Variants in EARS2 observed in about 807,000 individuals in gnomAD.
EARS2 encodes nondiscriminating glutamyl-tRNA synthetase EARS2, mitochondrial.
In EARS2, 50 loss-of-function variants were observed where a neutral mutation model predicts 54.1. The ratio of observed to expected loss-of-function variants is 0.92; its 90% CI spans 0.74 to 1.17. EARS2 has a LOEUF of 1.17. Ranked by LOEUF, EARS2 falls within the 50% of genes most tolerant of loss-of-function variation. EARS2 has a pLI of 0.00. For missense variants in EARS2, 673 were observed against 675.0 expected (o/e 1.00, Z 0.03); for synonymous variants, 298 against 281.0 (o/e 1.06, Z -0.61).
At chr16:23,528,391 C>T (rs1371318069) in intron 7 of EARS2, among the ~76,000 whole-genome samples, 1 of 152,248 alleles carries the variant, frequency 6.6e-6, no homozygotes, top group African/African-American at 2.4e-5. Context: ...CAATGACAGG[C>T]CCCAGGCCGG....
chr16:23,548,780 T>C (rs533991243), intron 2 of EARS2, among the ~76,000 whole-genome samples: 2 of 152,230 alleles, frequency 1.3e-5, no homozygotes, highest in East Asian at 3.9e-4. Context: ...TGAGAACTTG[T>C]TTCCCTGTCT....
At chr16:23,529,396 G>A in intron 7 of EARS2, 106 bp downstream of exon 7, 2 of 1,400,610 alleles carry the variant, frequency 1.4e-6, no homozygotes, top group Non-Finnish European at 1.9e-6. Context: ...ACTGGCCATG[G>A]AGTTGTGCTG....
chr16:23,555,810 T>C (rs1319606090), intron 1 of EARS2, among the ~76,000 whole-genome samples: 1 of 152,208 alleles, frequency 6.6e-6, no homozygotes, highest in African/African-American at 2.4e-5. Context: ...GCCTCCTGAG[T>C]AGCTGGGATT....
At position 23,535,152 on chromosome 16, in the gene EARS2, A is replaced by C. The variant is rs1182135657; in HGVS notation, c.694T>G (p.Cys232Gly). The C allele has an allele frequency of 6.2e-7, 1 of 1,613,464 alleles. No individual in the cohort carries two copies. The highest frequency in any genetic ancestry group is 2.2e-5 in the East Asian group (1 of 44,874). ...CCCATGTGGTGGTCGTCCACCACGCAGGCCAGGTGGTATGTGGGGAAGCCG... is the reference window on the plus strand; with the variant it reads ...CCCATGTGGTGGTCGTCCACCACGCCGGCCAGGTGGTATGTGGGGAAGCCG... ...SDGFPTYHLACVVDDHHMGIS... is the reference protein window; with the variant it reads ...SDGFPTYHLAGVVDDHHMGIS... Residue 232 changes from cysteine to glycine, a missense_variant, in exon 4 of 9, where the codon TGC becomes GGC. This residue lies in a region of EARS2 where 338 missense variants were observed against 361.2 expected (regional missense o/e 0.94). Coordinates refer to ENST00000449606, the MANE Select transcript of EARS2 (RefSeq NM_001083614.2).
chr16:23,522,446 G>C lies in EARS2; in HGVS notation c.*1925C>G, dbSNP rs1326562518. 6.6e-6 allele frequency: 1 copy of C among 152,250 alleles called. No homozygotes were observed. Among genetic ancestry groups the C allele is most frequent in the Non-Finnish European group, 1.5e-5 (1 of 68,132 alleles). 9.4% of individuals were successfully genotyped at this position (152,250 alleles called of 1,614,324 possible). On this transcript the variant is annotated 3_prime_UTR_variant, in exon 9 of 9. Transcript: ENST00000449606. ...GATTGGCCATTAGCTCCTGTAGCTA[G>C]TTCCTGTCTTTTCCAAAACCTGTTT...
chr16:23,535,213 G>A lies in EARS2; in HGVS notation c.633C>T (p.Ala211=), dbSNP rs373878734. Residue 211 remains alanine, a synonymous_variant, in exon 4 of 9, where the codon GCC becomes GCT. Coordinates refer to ENST00000449606, the MANE Select transcript of EARS2 (RefSeq NM_001083614.2). ...TGATGACTGGGTCTCCCTCCACGCT[G>A]GCCACTTCATGCCTATTCCAGCCAT... ...LVYGWNRHEV[A]SVEGDPVIMK... is the part of the protein sequence containing the mutation. 3.7e-6 allele frequency: 6 copies of A among 1,613,628 alleles called. No individual in the cohort carries two copies. Among genetic ancestry groups the A allele is most frequent in the Middle Eastern group, 1.7e-4 (1 of 5,824 alleles).
intron 1 of EARS2, among the ~76,000 whole-genome samples, chr16:23,554,803 CTACTT>C (rs909663635): frequency 4.6e-5 from 7 of 152,330 alleles, no homozygotes; most frequent in South Asian, 2.1e-4. Context: ...AGAAGGAACT[CTACTT>C]AACTTTTATG....
At chr16:23,544,972 G>A (rs1258715296) in intron 2 of EARS2, 1 of 343,128 alleles carries the variant, frequency 2.9e-6, no homozygotes, top group Non-Finnish European at 5.3e-6. Context: ...CTCCCGAATA[G>A]CTGGGATTAC....
At chr16:23,534,770 A>G in intron 4 of EARS2, 118 bp downstream of exon 4, 1 of 841,570 alleles carries the variant, frequency 1.2e-6, no homozygotes, top group Non-Finnish European at 1.8e-6. Context: ...AAACTTGTCC[A>G]AGGTCACCTG....
chr16:23,525,089 T>C, intron 8 of EARS2, 155 bp downstream of exon 8: 1 of 943,304 alleles, frequency 1.1e-6, no homozygotes, highest in Non-Finnish European at 1.7e-6. Flanking sequence ...TAGTAGGTAC[T>C]CAATAGTGTC....
intron 2 of EARS2, among the ~76,000 whole-genome samples, chr16:23,550,069 T>C (rs1479973463): frequency 1.3e-5 from 2 of 152,124 alleles, no homozygotes; most frequent in Non-Finnish European, 2.9e-5. Context: ...CTATGAAGAA[T>C]GAATTAGGAG....
Position 23,556,966 on chromosome 16 carries a change from G to A in EARS2, c.139+239C>T, listed in dbSNP as rs544880008. 1.2e-4 allele frequency: 84 copies of A among 702,804 alleles called. 1 individual carries two copies. In the South Asian group the frequency reaches 1.2e-3, roughly 10 times the overall value. The allele number at this position is 702,804 out of a possible 1,614,324, so 43.5% of individuals were successfully genotyped here. A position where few individuals can be genotyped will look rare whatever the true frequency, so the allele number is the denominator to read the frequency against. On this transcript the variant is annotated intron_variant, in intron 1 of 8. Coordinates refer to ENST00000449606, the MANE Select transcript of EARS2 (RefSeq NM_001083614.2). ...TGTCATCAATGCACATGTATGGAAT[G>A]CATGAAAAAAAGATCGAAAGAGATG...
At chr16:23,551,401 A>G (rs1965691755) in intron 2 of EARS2, among the ~76,000 whole-genome samples, 1 of 152,104 alleles carries the variant, frequency 6.6e-6, no homozygotes, top group Non-Finnish European at 1.5e-5. Context: ...GGATTGCTTG[A>G]GCCCAGGAGT....
At chr16:23,543,111 T>C (rs1302279537) in intron 3 of EARS2, among the ~76,000 whole-genome samples, 2 of 93,078 alleles carry the variant, frequency 2.1e-5, no homozygotes, top group Non-Finnish European at 2.1e-5. Context: ...CAAGACTCTG[T>C]CTCACCAAAA....
intron 6 of EARS2, 54 bp from the exon 7 acceptor site, chr16:23,529,686 G>GA: frequency 6.2e-7 from 1 of 1,612,732 alleles, no homozygotes; most frequent in Non-Finnish European, 8.5e-7. Flanking sequence ...TGGAAGGCAG[G>GA]AGGAATTGAG....
intron 2 of EARS2, among the ~76,000 whole-genome samples, chr16:23,550,494 G>C (rs946014127): frequency 7.9e-6 from 1 of 126,962 alleles, no homozygotes; most frequent in African/African-American, 3.0e-5. Context: ...CTGGAGTGCA[G>C]TGATGCAATC....
rs964900333 is a variant in EARS2, at chr16:23,534,882, A to T, written c.958+6T>A. 1 of 1,563,108 alleles carries T rather than the reference A, an allele frequency of 6.4e-7. No individual in the cohort carries two copies. Among genetic ancestry groups the T allele is most frequent in the African/African-American group, 1.3e-5 (1 of 74,372 alleles). The stretch of plus-strand genomic sequence containing the variant: ...TGCTGCCAGGACTATTCAGGTGGGC[A>T]CGTACCTGCAAAACCTGAGCCACAG... On this transcript the variant is annotated splice_donor_region_variant and intron_variant, in intron 4 of 8. Transcript: ENST00000449606.
In EARS2 at chr16:23,534,896, C is replaced by A. The variant is rs779972250; in HGVS notation, c.950G>T (p.Gly317Val). Reference sequence around the variant, plus strand: ...TTCAGGTGGGCACGTACCTGCAAAACCTGAGCCACAGTTGGTGATGATGTC... The same window carrying A: ...TTCAGGTGGGCACGTACCTGCAAAAACTGAGCCACAGTTGGTGATGATGTC... ...LLDIITNCGSGFAENQMGRTL... is the reference protein window; with the variant it reads ...LLDIITNCGSVFAENQMGRTL... The change falls in exon 4 of 9, where the codon GGT (glycine) becomes GTT (valine). Residue 317 changes from glycine to valine, a missense_variant. This residue lies in a region of EARS2 where 338 missense variants were observed against 361.2 expected (regional missense o/e 0.94). Coordinates refer to ENST00000449606, the MANE Select transcript of EARS2 (RefSeq NM_001083614.2). 6.4e-7 allele frequency: 1 copy of A among 1,574,142 alleles called. No individual in the cohort carries two copies.
chr16:23,529,570 A>G lies in EARS2; in HGVS notation c.1284T>C (p.Pro428=). Residue 428 remains proline, a synonymous_variant, in exon 7 of 9, where the codon CCT becomes CCC. Transcript: ENST00000449606. ...CGTCCAGCTGTGCTCGACCTACTGC[A>G]GGGCGAGTCCACAGGTAAGAGTATA... ...SPVYSYLWTR[P]AVGRAQLDAI... 1 of 1,614,198 alleles carries G rather than the reference A, an allele frequency of 6.2e-7. No individual in the cohort carries two copies. Among genetic ancestry groups the G allele is most frequent in the Non-Finnish European group, 8.5e-7 (1 of 1,180,028 alleles).
Sources: gnomAD v4.1 joint callset for allele counts (sites outside exome capture counted in the v4.1 genomes callset) on GRCh38, gnomAD v4.1.1 for gene constraint, gnomAD v4.1.1 regional missense constraint, MANE v1.5 for transcripts, NCBI Gene and HGNC (gene_info 2026-07-23, HGNC 2026-07-21) for gene names.